CYP11A1: variants seen among roughly 807,000 people sequenced by gnomAD.
The protein encoded by CYP11A1 is cytochrome P450 family 11 subfamily A member 1.
In CYP11A1, 25 loss-of-function variants were observed where a neutral mutation model predicts 51.9. The observed-to-expected ratio is 0.48, with a 90% CI of 0.35 to 0.67. The LOEUF is 0.67. CYP11A1 is among the 30% of genes least tolerant of loss of function. CYP11A1 has a pLI of 0.00. For synonymous variants in CYP11A1, 245 were observed against 262.1 expected (o/e 0.93, Z 0.63); for missense variants, 578 against 680.9 (o/e 0.85, Z 1.68).
chr15:74,343,240 G>T, intron 4 of CYP11A1, 103 bp from the exon 5 acceptor site: 1 of 1,209,984 alleles, frequency 8.3e-7, no homozygotes, highest in East Asian at 2.3e-5. Context: ...GGGGATTCCG[G>T]AGCCCTGTGC....
chr15:74,359,921 A>C (rs1460413635), intron 1 of CYP11A1, among the ~76,000 whole-genome samples: 1 of 152,252 alleles, frequency 6.6e-6, no homozygotes, highest in East Asian at 1.9e-4. Flanking sequence ...TAAGATTTTA[A>C]ATTAATTGGT....
At chr15:74,338,836 T>C (rs746015534) in intron 7 of CYP11A1, 68 bp from the exon 8 acceptor site, 16 of 1,427,872 alleles carry the variant, frequency 1.1e-5, no homozygotes, top group African/African-American at 1.4e-5. Flanking sequence ...AAAACCCCCT[T>C]CCCTAGTCCC....
rs749515942 is a variant in CYP11A1, at chr15:74,338,616, C to G, written c.1389G>C (p.Leu463=). ...TCTCTAGCTCAGCGATCCGCCGTCC[C>G]AGACACTGCCGCACACCCCAGCCAA... ...LGFGWGVRQC[L]GRRIAELEMT... The change falls in exon 8 of 9, where the codon CTG becomes CTC. Residue 463 remains leucine, a synonymous_variant. Transcript: ENST00000268053. The G allele has an allele frequency of 1.2e-6, 2 of 1,614,154 alleles. No individual in the cohort carries two copies. Among genetic ancestry groups the G allele is most frequent in the South Asian group, 1.1e-5 (1 of 91,076 alleles).
intron 1 of CYP11A1, chr15:74,365,912 A>G: frequency 2.0e-6 from 2 of 985,640 alleles, no homozygotes; most frequent in Non-Finnish European, 2.4e-6. Context: ...GCGCCCCCGT[A>G]ACACCTCAAA....
intron 6 of CYP11A1, 125 bp from the exon 7 acceptor site, chr15:74,339,440 C>T: frequency 7.1e-7 from 1 of 1,400,548 alleles, no homozygotes; most frequent in South Asian, 1.2e-5. Flanking sequence ...GGGTAGGGCC[C>T]TGGCTCTATT....
At chr15:74,340,232 G>A (rs1304371615) in intron 5 of CYP11A1, among the ~76,000 whole-genome samples, 1 of 152,230 alleles carries the variant, frequency 6.6e-6, no homozygotes, top group African/African-American at 2.4e-5. Flanking sequence ...CTTCAAGTAA[G>A]GCTCAAAGAA....
intron 1 of CYP11A1, chr15:74,362,152 G>A (rs1314119517): frequency 4.9e-5 from 33 of 678,982 alleles, no homozygotes; most frequent in Admixed American, 2.0e-4. Flanking sequence ...TTGTGCTCTC[G>A]CTGCAGTTCC....
At chr15:74,365,802 G>C in intron 1 of CYP11A1, 1 of 985,614 alleles carries the variant, frequency 1.0e-6, no homozygotes, top group Non-Finnish European at 1.2e-6. Flanking sequence ...GAGGCGAGGA[G>C]TGGATGCTGC....
chr15:74,358,728 C>T (rs1480771551), intron 1 of CYP11A1, among the ~76,000 whole-genome samples: 1 of 152,244 alleles, frequency 6.6e-6, no homozygotes, highest in Non-Finnish European at 1.5e-5. Flanking sequence ...CATTTCTTCC[C>T]TTCTGTCAGA....
At position 74,339,425 on chromosome 15, in the gene CYP11A1, C is replaced by A. The variant is rs931435859; in HGVS notation, c.1158-110G>T. ...CCCTAGCTGCAGCAGCCTGGGGGGA[C>A]CTGGGGGTAGGGCCCTGGCTCTATT... On this transcript the variant is annotated intron_variant, in intron 6 of 8. Transcript: ENST00000268053. 8.5e-6 allele frequency: 12 copies of A among 1,410,576 alleles called. No homozygotes were observed. In the African/African-American group the frequency reaches 1.4e-4, roughly 17 times the overall value. The allele number at this position is 1,410,576 out of a possible 1,614,324, so 87.4% of individuals were successfully genotyped here.
intron 1 of CYP11A1, chr15:74,362,974 C>A (rs2060715896): frequency 6.6e-6 from 1 of 152,120 alleles, no homozygotes; most frequent in South Asian, 2.1e-4. Flanking sequence ...GAGAACATTG[C>A]CAGAAGTCCT....
intron 5 of CYP11A1, among the ~76,000 whole-genome samples, chr15:74,342,332 T>A (rs1463513484): frequency 2.0e-5 from 3 of 152,304 alleles, no homozygotes; most frequent in South Asian, 2.1e-4. Context: ...TCCGCCCACC[T>A]CTGCCTCCCA....
rs766400666 is a variant in CYP11A1 at position 74,343,988 on chromosome 15, G to A, written c.630C>T (p.Ile210=). Residue 210 remains isoleucine (I), a synonymous_variant, in exon 4 of 9, where the codon ATC becomes ATT. Transcript: ENST00000268053. The stretch of plus-strand genomic sequence containing the variant: ...GGCGCTCCCCAAAAATGACGTTAGT[G>A]ATGGCTGCAGGGAGAGGAAGAGGCT... ...DDLFRFAFES[I]TNVIFGERQG... is the part of the protein sequence containing the mutation. 8 of 1,613,884 alleles carry A rather than the reference G, an allele frequency of 5.0e-6. No individual in the cohort carries two copies. The African/African-American group carries it at 6.7e-5, about 13-fold the overall frequency.
At chr15:74,358,891 G>A (rs1433264346) in intron 1 of CYP11A1, among the ~76,000 whole-genome samples, 2 of 151,848 alleles carry the variant, frequency 1.3e-5, no homozygotes, top group Admixed American at 6.6e-5. Flanking sequence ...AAGGTAAAAC[G>A]GACTAATGGT....
chr15:74,343,579 T>C (rs1285691395), intron 4 of CYP11A1, among the ~76,000 whole-genome samples: 4 of 152,222 alleles, frequency 2.6e-5, no homozygotes, highest in Non-Finnish European at 5.9e-5. Context: ...TCTTTGCTCC[T>C]CTTTTTCCAG....
At chr15:74,349,498 A>G (rs1388164116) in intron 1 of CYP11A1, among the ~76,000 whole-genome samples, 2 of 152,182 alleles carry the variant, frequency 1.3e-5, no homozygotes, top group African/African-American at 4.8e-5. Context: ...GGCCTCCCAG[A>G]AAATCCCCTC....
At chr15:74,338,900 G>A in intron 7 of CYP11A1, 132 bp from the exon 8 acceptor site, 2 of 854,678 alleles carry the variant, frequency 2.3e-6, no homozygotes, top group Non-Finnish European at 3.8e-6. Context: ...GCTCTCCAGG[G>A]CAGGACATTC....
chr15:74,337,795 G>C lies in CYP11A1; in HGVS notation c.*177C>G, dbSNP rs1199444316. The C allele has an allele frequency of 1.4e-6, 1 of 737,590 alleles. No individual in the cohort carries two copies. The highest frequency in any genetic ancestry group is 2.1e-5 in the Admixed American group (1 of 47,490). The allele number at this position is 737,590 out of a possible 1,614,324, so 45.7% of individuals were successfully genotyped here. ...AGCTGTTTATTGTCTCCATGGGGTG[G>C]GTGAAGAGGAGTGGCCCAGCTGAGC... On this transcript the variant is annotated 3_prime_UTR_variant, in exon 9 of 9. Transcript: ENST00000268053.
rs1596160722 is a variant in CYP11A1, at chr15:74,345,451, AAG to A, written c.426-210_426-209del. 6.6e-6 allele frequency among the ~76,000 whole-genome samples: 1 copy of A among 152,252 alleles called. No individual in the cohort carries two copies. Among genetic ancestry groups the A allele is most frequent in the East Asian group, 1.9e-4 (1 of 5,190 alleles). On this transcript the variant is annotated intron_variant, in intron 2 of 8. Transcript: ENST00000268053. The surrounding 1 kb of genome is among the most constrained non-coding windows in gnomAD (Gnocchi z 4.3). ...CTGGCTGGGAGAAGAGAAAGGAAAA[AAG>A]AGAGTGAAGGGGAACAAAACTCCAA...
Sources: gnomAD v4.1 joint callset for allele counts (sites outside exome capture counted in the v4.1 genomes callset) on GRCh38, gnomAD v4.1.1 for gene constraint, Gnocchi (gnomAD v3.1) non-coding constraint, MANE v1.5 for transcripts, NCBI Gene and HGNC (gene_info 2026-07-23, HGNC 2026-07-21) for gene names.